The following WWOX variants were observed in gnomAD, a reference collection of about 807,000 sequenced individuals.
WWOX encodes the protein WW domain-containing oxidoreductase.
WWOX carries 69 observed loss-of-function variants against 46.2 expected under a neutral mutation model. That is an observed-to-expected ratio of 1.49 (90% CI 1.23 to 1.82). The LOEUF (loss-of-function observed/expected upper bound fraction) is 1.82. Among genes scored for constraint, WWOX ranks in the 40% most tolerant of loss-of-function variants. The pLI is 0.00. For missense variants in WWOX, 919 were observed against 542.6 expected, an observed-to-expected ratio of 1.69 and a Z score of -6.89; for synonymous variants, 359 against 202.6, an observed-to-expected ratio of 1.77 and a Z score of -6.56.
intron 8 of WWOX, among the ~76,000 whole-genome samples, chr16:78,681,408 A>G (rs998198779): frequency 1.4e-4 from 22 of 152,152 alleles, no homozygotes; most frequent in South Asian, 4.1e-4. Context: ...TGTCTCAAAA[A>G]ACCAAAACAA....
At chr16:79,010,641 C>T (rs193060265) in intron 8 of WWOX, among the ~76,000 whole-genome samples, 59 of 151,542 alleles carry the variant, frequency 3.9e-4, no homozygotes, top group African/African-American at 8.0e-4. Context: ...AAGGAGGAGA[C>T]GGAGAAGTTG....
chr16:78,146,633 A>G (rs1458747381), intron 4 of WWOX, among the ~76,000 whole-genome samples: 2 of 152,126 alleles, frequency 1.3e-5, no homozygotes, highest in Non-Finnish European at 2.9e-5. Context: ...AATGTTATCA[A>G]ATGAAGAACT....
chr16:78,411,613 A>C (rs1387634321), intron 6 of WWOX, among the ~76,000 whole-genome samples: 2 of 152,222 alleles, frequency 1.3e-5, no homozygotes, highest in African/African-American at 4.8e-5. Context: ...GCAGACATTT[A>C]GGAACCATTA....
intron 5 of WWOX, among the ~76,000 whole-genome samples, chr16:78,302,387 T>G (rs1201850175): frequency 2.0e-5 from 3 of 152,194 alleles, no homozygotes; most frequent in African/African-American, 4.8e-5. Flanking sequence ...TCAGCCTCTC[T>G]TTTTCAGCCT....
chr16:79,050,640 A>T (rs1397883052), intron 8 of WWOX, among the ~76,000 whole-genome samples: 4 of 152,148 alleles, frequency 2.6e-5, no homozygotes, highest in Non-Finnish European at 5.9e-5. Flanking sequence ...GTTGCATAAG[A>T]AGCTGCTGAG....
chr16:78,944,751 G>A (rs1005995706), intron 8 of WWOX, among the ~76,000 whole-genome samples: 4 of 152,170 alleles, frequency 2.6e-5, no homozygotes, highest in African/African-American at 9.7e-5. Flanking sequence ...TTATGACACT[G>A]ATCCTTAGCC....
chr16:78,261,788 C>CTAGATATATATATATATA lies in WWOX; in HGVS notation c.516+97501_516+97502insGATATATATATATATATA, dbSNP rs1491587303. ...TCTATCTATGTATCTATCTATCTATCTATATATATATATATATATATATAT... is the reference window on the plus strand; with the variant it reads ...TCTATCTATGTATCTATCTATCTATCTAGATATATATATATATATATATATATATATATATATATATAT... On this transcript the variant is annotated intron_variant, in intron 5 of 8. Coordinates refer to ENST00000566780, the MANE Select transcript of WWOX (RefSeq NM_016373.4). Among the ~76,000 whole-genome samples, 306 of 73,656 alleles carry CTAGATATATATATATATA rather than the reference C, an allele frequency of 4.2e-3. 7 individuals carry two copies. Among genetic ancestry groups the CTAGATATATATATATATA allele is most frequent in the African/African-American group, 0.017 (293 of 17,364 alleles). 48.3% of individuals were successfully genotyped at this position (73,656 alleles called of 152,430 possible). A position where few individuals can be genotyped will look rare whatever the true frequency, so the allele number is the denominator to read the frequency against.
chr16:78,975,679 A>G (rs2046557462), intron 8 of WWOX, among the ~76,000 whole-genome samples: 1 of 151,878 alleles, frequency 6.6e-6, no homozygotes, highest in Non-Finnish European at 1.5e-5. Context: ...ATGTATTGTC[A>G]CCCCTGTTGG....
rs920694943 is a variant in WWOX, at chr16:78,490,116, T to C, written c.1056+57364T>C. Among the ~76,000 whole-genome samples, 7 of 140,562 alleles carry C rather than the reference T, an allele frequency of 5.0e-5. No individual in the cohort carries two copies. In the South Asian group the frequency reaches 1.7e-3, roughly 34 times the overall value. The allele number at this position is 140,562 out of a possible 152,430, so 92.2% of individuals were successfully genotyped here. On this transcript the variant is annotated intron_variant, in intron 8 of 8. Coordinates refer to ENST00000566780, the MANE Select transcript of WWOX (RefSeq NM_016373.4). Reference sequence around the variant, plus strand: ...TTTATTTTTAACACTAAACGATTTGTTCAGATTGGGGAAAAAATTTTTTTT... The same window carrying C: ...TTTATTTTTAACACTAAACGATTTGCTCAGATTGGGGAAAAAATTTTTTTT...
At chr16:78,266,100 A>G (rs2079356424) in intron 5 of WWOX, 1 of 152,262 alleles carries the variant, frequency 6.6e-6, no homozygotes, top group Non-Finnish European at 1.5e-5. Flanking sequence ...TCTGATATGA[A>G]GGGTCTACAC....
At chr16:79,005,095 T>G (rs1463096416) in intron 8 of WWOX, among the ~76,000 whole-genome samples, 1 of 152,146 alleles carries the variant, frequency 6.6e-6, no homozygotes, top group Non-Finnish European at 1.5e-5. Flanking sequence ...CAGTCCTCAG[T>G]GTACCCCAGG....
At chr16:78,680,277 C>A (rs572433444) in intron 8 of WWOX, among the ~76,000 whole-genome samples, 2 of 152,090 alleles carry the variant, frequency 1.3e-5, no homozygotes, top group African/African-American at 4.8e-5. Flanking sequence ...GGTGTGGTGG[C>A]ATGCATCTGC....
At chr16:78,730,818 A>C (rs2048953174) in intron 8 of WWOX, among the ~76,000 whole-genome samples, 1 of 151,984 alleles carries the variant, frequency 6.6e-6, no homozygotes, top group African/African-American at 2.4e-5. Context: ...GTGGCTTATC[A>C]CTTGGAATGT....
chr16:78,300,152 A>G (rs2080014581), intron 5 of WWOX, among the ~76,000 whole-genome samples: 1 of 152,222 alleles, frequency 6.6e-6, no homozygotes, highest in South Asian at 2.1e-4. Flanking sequence ...TTTTCTTTTT[A>G]AAAAGTAATT....
intron 8 of WWOX, among the ~76,000 whole-genome samples, chr16:79,063,057 A>G (rs2048382549): frequency 6.6e-6 from 1 of 152,190 alleles, no homozygotes; most frequent in African/African-American, 2.4e-5. Flanking sequence ...AGGTTGATAA[A>G]CCATTATACT....
chr16:79,063,204 G>A (rs988298159), intron 8 of WWOX, among the ~76,000 whole-genome samples: 1 of 152,212 alleles, frequency 6.6e-6, no homozygotes, highest in Non-Finnish European at 1.5e-5. Flanking sequence ...CTTGCAGTAT[G>A]TGAAATAGAC....
At position 78,477,766 on chromosome 16, in the gene WWOX, T is replaced by C. The variant is rs547584771; in HGVS notation, c.1056+45014T>C. 2.6e-5 allele frequency among the ~76,000 whole-genome samples: 4 copies of C among 152,314 alleles called. No individual in the cohort carries two copies. The South Asian group carries it at 6.2e-4, about 24-fold the overall frequency. ...ATAATCTTTTAGCACTTTAATTTTT[T>C]AATTGTAGAAGGAGAGAATTATGAA... On this transcript the variant is annotated intron_variant, in intron 8 of 8. Transcript: ENST00000566780.
At chr16:79,111,616 G>A (rs2049417857) in intron 8 of WWOX, among the ~76,000 whole-genome samples, 2 of 152,168 alleles carry the variant, frequency 1.3e-5, no homozygotes, top group South Asian at 4.1e-4. Flanking sequence ...GAAAAGAGCT[G>A]CAATTGTCAA....
At chr16:78,926,192 G>A (rs1193208621) in intron 8 of WWOX, among the ~76,000 whole-genome samples, 1 of 151,990 alleles carries the variant, frequency 6.6e-6, no homozygotes, top group East Asian at 1.9e-4. Flanking sequence ...TGGGTAACAT[G>A]GCAAAACCTT....
Sources: allele counts gnomAD v4.1 joint callset (sites outside exome capture counted in the v4.1 genomes callset), GRCh38; gene constraint gnomAD v4.1.1; transcripts MANE v1.5; gene names NCBI Gene and HGNC (gene_info 2026-07-23, HGNC 2026-07-21).